Variants in CKM observed in about 807,000 individuals in gnomAD.
The protein encoded by CKM is creatine kinase M-type.
Under a neutral mutation model 35.4 loss-of-function variants are expected in CKM, and 28 were observed. The ratio of observed to expected loss-of-function variants is 0.79; its 90% CI spans 0.59 to 1.08. The LOEUF (loss-of-function observed/expected upper bound fraction) is 1.08. CKM is among the 50% of genes least tolerant of loss of function. The pLI is 0.00. For missense variants in CKM, 484 were observed against 509.8 expected (o/e 0.95, Z 0.49); for synonymous variants, 215 against 204.4 (o/e 1.05, Z -0.44).
At chr19:45,314,387 G>A (rs141121628) in intron 4 of CKM, among the ~76,000 whole-genome samples, 232 of 151,910 alleles carry the variant, frequency 1.5e-3, no homozygotes, top group African/African-American at 5.3e-3. Context: ...ATGCTATTGT[G>A]CACTTAACAG....
chr19:45,321,844 C>T (rs936734), intron 1 of CKM, among the ~76,000 whole-genome samples: 1 of 151,948 alleles, frequency 6.6e-6, no homozygotes, highest in Non-Finnish European at 1.5e-5. Flanking sequence ...CGGTGGGAGA[C>T]GGGGATGGGA....
chr19:45,309,563 A>T (rs1971088075), intron 5 of CKM, among the ~76,000 whole-genome samples: 3 of 149,378 alleles, frequency 2.0e-5, no homozygotes, highest in East Asian at 4.0e-4. Flanking sequence ...CTCAAAAAAA[A>T]AAAAAAAAAA....
intron 1 of CKM, among the ~76,000 whole-genome samples, chr19:45,320,479 A>G (rs1425063021): frequency 6.6e-6 from 1 of 152,158 alleles, no homozygotes; most frequent in African/African-American, 2.4e-5. Context: ...AGCAAGAGAA[A>G]TCCTCTCTCT....
At position 45,315,552 on chromosome 19, in the gene CKM, G is replaced by A. The variant is rs1210644702; in HGVS notation, c.394C>T (p.Arg132Cys). ...TAGCCCTTGATGCTGCGGCCAGTGC[G>A]GACGCGGCTGCTGAGCACGTAGTTA... is the stretch of plus-strand genomic sequence containing the variant. ...DPNYVLSSRVRTGRSIKGYTL... is the reference protein window; with the variant it reads ...DPNYVLSSRVCTGRSIKGYTL... Residue 132 changes from arginine to cysteine, a missense_variant, in exon 4 of 8, where the codon CGC becomes TGC. Arg to Cys is a radical substitution (Grantham distance 180). Transcript: ENST00000221476. The A allele has an allele frequency of 3.7e-6, 6 of 1,603,390 alleles. No individual in the cohort carries two copies. The highest frequency in any genetic ancestry group is 2.2e-5 in the East Asian group (1 of 44,886).
intron 3 of CKM, among the ~76,000 whole-genome samples, chr19:45,316,535 T>C (rs566947637): frequency 2.4e-4 from 37 of 151,620 alleles, no homozygotes; most frequent in Non-Finnish European, 4.3e-4. Context: ...AAGCTGGTCG[T>C]GAACTCTCCT....
chr19:45,315,988 G>A (rs982668456), intron 3 of CKM, among the ~76,000 whole-genome samples: 7 of 150,758 alleles, frequency 4.6e-5, no homozygotes, highest in South Asian at 4.2e-4. Flanking sequence ...GGACTAACAG[G>A]TAGGTATATG....
At chr19:45,319,488 T>C (rs955433224) in intron 2 of CKM, 33 bp downstream of exon 2, 1 of 1,572,660 alleles carries the variant, frequency 6.4e-7, no homozygotes, top group Admixed American at 1.7e-5. Context: ...AGCCCCCATG[T>C]AGCCCCTTCA....
At chr19:45,314,057 A>G (rs1340672839) in intron 4 of CKM, among the ~76,000 whole-genome samples, 1 of 146,982 alleles carries the variant, frequency 6.8e-6, no homozygotes, top group Non-Finnish European at 1.5e-5. Flanking sequence ...GGAAGGAAGG[A>G]AGGGAGGAAG....
intron 4 of CKM, among the ~76,000 whole-genome samples, chr19:45,313,196 C>T (rs188922980): frequency 2.0e-5 from 3 of 152,228 alleles, no homozygotes; most frequent in African/African-American, 7.2e-5. Flanking sequence ...ATTTTTCCTA[C>T]AGCATGTGCC....
intron 3 of CKM, 121 bp from the exon 4 acceptor site, chr19:45,315,718 T>C: frequency 7.5e-7 from 1 of 1,330,044 alleles, no homozygotes; most frequent in Non-Finnish European, 1.0e-6. Flanking sequence ...GCATCCTCAC[T>C]GATTGGGTGT....
intron 5 of CKM, among the ~76,000 whole-genome samples, chr19:45,310,759 C>CTTTTT (rs3047558): frequency 4.8e-4 from 24 of 50,286 alleles, no homozygotes; most frequent in East Asian, 9.8e-4. Context: ...TCACGCCTGG[C>CTTTTT]TTTTTTTTTT....
intron 4 of CKM, among the ~76,000 whole-genome samples, chr19:45,315,093 C>G (rs1339869501): frequency 2.6e-5 from 4 of 152,130 alleles, no homozygotes; most frequent in Non-Finnish European, 5.9e-5. Flanking sequence ...TCTTGTTCAT[C>G]TGTGGGTTTC....
At chr19:45,321,721 G>A (rs1187441420) in intron 1 of CKM, among the ~76,000 whole-genome samples, 2 of 152,104 alleles carry the variant, frequency 1.3e-5, no homozygotes, top group East Asian at 3.9e-4. Context: ...GGCCTCCCAA[G>A]ATGCTGGGAT....
chr19:45,308,441 C>T lies in CKM; in HGVS notation c.745G>A (p.Val249Ile), dbSNP rs1382843366. 1.2e-6 allele frequency: 2 copies of T among 1,613,984 alleles called. No homozygotes were observed. Among genetic ancestry groups the T allele is most frequent in the Non-Finnish European group, 1.7e-6 (2 of 1,180,020 alleles). Residue 249 changes from valine (V) to isoleucine (I), a missense_variant, in exon 6 of 8, where the codon GTT becomes ATT. By Grantham distance (29) the Val-to-Ile change is conservative. Transcript: ENST00000221476. Reference sequence around the variant, plus strand: ...AGCCCTACGCAGAAGCGGCGGAAAACCTCCTTCATGTTGCCCCCCTTCTCC... The same window carrying T: ...AGCCCTACGCAGAAGCGGCGGAAAATCTCCTTCATGTTGCCCCCCTTCTCC... ...SMEKGGNMKE[V>I]FRRFCVGLQK...
intron 1 of CKM, among the ~76,000 whole-genome samples, chr19:45,321,147 G>T (rs981118539): frequency 4.0e-5 from 6 of 151,012 alleles, no homozygotes; most frequent in African/African-American, 1.5e-4. Flanking sequence ...CAAGTGATCC[G>T]CCCACCTCTG....
In CKM at chr19:45,317,846, G is replaced by GT; in HGVS notation, c.326dup (p.Asp109GlufsTer5). On this transcript the variant is annotated frameshift_variant, in exon 3 of 8. Coordinates refer to ENST00000221476, the MANE Select transcript of CKM (RefSeq NM_001824.5). LOFTEE classifies it high-confidence loss of function. The stretch of plus-strand genomic sequence containing the variant: ...CGACCTTGAGGTTTTCATGGTTGAG[G>GT]TCAGTCTTGTGCTTGTCAGTGGGTT... 6.2e-7 allele frequency: 1 copy of GT among 1,614,036 alleles called. No homozygotes were observed. The highest frequency in any genetic ancestry group is 8.5e-7 in the Non-Finnish European group (1 of 1,180,008).
intron 1 of CKM, among the ~76,000 whole-genome samples, chr19:45,320,233 C>T (rs1971201079): frequency 6.6e-6 from 1 of 152,032 alleles, no homozygotes; most frequent in African/African-American, 2.4e-5. Context: ...ATTACAGGCG[C>T]ACACCACCAT....
At chr19:45,318,564 G>T (rs1049037090) in intron 2 of CKM, among the ~76,000 whole-genome samples, 1 of 152,038 alleles carries the variant, frequency 6.6e-6, no homozygotes, top group African/African-American at 2.4e-5. Context: ...GAGGGTACAT[G>T]GTGCTAAAAG....
chr19:45,307,347 G>A (rs943739900), intron 7 of CKM, 114 bp downstream of exon 7: 14 of 926,304 alleles, frequency 1.5e-5, no homozygotes, highest in Non-Finnish European at 2.2e-5. Flanking sequence ...GCTCACAGAG[G>A]GTCAGCCCTT....
Sources: allele counts gnomAD v4.1 joint callset (sites outside exome capture counted in the v4.1 genomes callset), GRCh38; gene constraint gnomAD v4.1.1; transcripts MANE v1.5; gene names NCBI Gene and HGNC (gene_info 2026-07-23, HGNC 2026-07-21).